KCNMB4: variants seen among roughly 807,000 people sequenced by gnomAD.
KCNMB4 encodes the protein calcium-activated potassium channel subunit beta-4.
A neutral mutation model predicts 20.7 loss-of-function variants in KCNMB4; 3 were observed. The observed-to-expected ratio is 0.14, with a 90% CI of 0.07 to 0.37. The LOEUF is 0.37. Among genes scored for constraint, KCNMB4 ranks in the 10% least tolerant of loss-of-function variants. KCNMB4 has a pLI of 1.00. For synonymous variants in KCNMB4, 110 were observed against 113.4 expected (o/e 0.97, Z 0.19); for missense variants, 168 against 265.9 (o/e 0.63, Z 2.56).
Position 70,430,697 on chromosome 12 carries a change from C to G in KCNMB4, c.*44C>G, listed in dbSNP as rs771305151. The G allele has an allele frequency of 6.6e-7, 1 of 1,505,032 alleles. No homozygotes were observed. The highest frequency in any genetic ancestry group is 1.3e-5 in the South Asian group (1 of 75,256). 93.2% of individuals were successfully genotyped at this position (1,505,032 alleles called of 1,614,324 possible). On this transcript the variant is annotated 3_prime_UTR_variant, in exon 3 of 3. Coordinates refer to ENST00000258111, the MANE Select transcript of KCNMB4 (RefSeq NM_014505.6). ...GAAAGCAAAGTACAGAAGCTGTACT[C>G]ATCGGCACGCGTCCACCTGCGGAAC...
chr12:70,378,268 T>C (rs919417022), intron 1 of KCNMB4, among the ~76,000 whole-genome samples: 6 of 152,172 alleles, frequency 3.9e-5, no homozygotes, highest in African/African-American at 1.4e-4. Flanking sequence ...CAAGCTCTAC[T>C]TCTAATTCTA....
chr12:70,424,327 G>A (rs1341261195), intron 2 of KCNMB4, among the ~76,000 whole-genome samples: 1 of 151,992 alleles, frequency 6.6e-6, no homozygotes, highest in Non-Finnish European at 1.5e-5. Flanking sequence ...AACCAATGCT[G>A]GAGTTCTGAG....
intron 1 of KCNMB4, among the ~76,000 whole-genome samples, chr12:70,387,250 C>A (rs11611402): frequency 1.6e-3 from 243 of 151,850 alleles, no homozygotes; most frequent in African/African-American, 5.2e-3. Context: ...CTTGTCTGCA[C>A]GGGATATTGG....
intron 1 of KCNMB4, among the ~76,000 whole-genome samples, chr12:70,395,278 A>G (rs371676855): frequency 6.3e-4 from 96 of 152,252 alleles, no homozygotes; most frequent in African/African-American, 2.2e-3. Flanking sequence ...GGAAAACTGG[A>G]GAAACAAATT....
Position 70,417,332 on chromosome 12 carries a change from G to A in KCNMB4, c.465-13153G>A, listed in dbSNP as rs568062472. Among the ~76,000 whole-genome samples the A allele has an allele frequency of 1.6e-4, 24 of 152,206 alleles. 1 individual carries two copies. The highest frequency in any genetic ancestry group is 2.9e-5 in the Non-Finnish European group (2 of 68,008). On this transcript the variant is annotated intron_variant, in intron 2 of 2. Transcript: ENST00000258111. ...GCTGGCAGCAGTTCCTAGCATGCTG[G>A]GTCTGAAATTGTGACATGTATAGGA...
intron 1 of KCNMB4, among the ~76,000 whole-genome samples, chr12:70,392,335 G>A (rs1391109001): frequency 1.3e-5 from 2 of 152,172 alleles, no homozygotes; most frequent in African/African-American, 4.8e-5. Context: ...ACAGATGCTG[G>A]AGAGGATGTG....
intron 1 of KCNMB4, among the ~76,000 whole-genome samples, chr12:70,384,419 CAA>C (rs1244122305): frequency 1.3e-5 from 2 of 152,310 alleles, no homozygotes; most frequent in East Asian, 3.9e-4. Flanking sequence ...TACCTTCTTA[CAA>C]AACCATGCTG....
intron 2 of KCNMB4, among the ~76,000 whole-genome samples, chr12:70,403,117 G>T (rs576173010): frequency 6.9e-6 from 1 of 144,316 alleles, no homozygotes; most frequent in Admixed American, 7.1e-5. Flanking sequence ...AAGGGAACAA[G>T]GTGTTGTGGA....
intron 2 of KCNMB4, among the ~76,000 whole-genome samples, chr12:70,406,474 C>T (rs768194510): frequency 2.6e-5 from 4 of 152,082 alleles, no homozygotes; most frequent in African/African-American, 4.8e-5. Flanking sequence ...GGAACGTGCC[C>T]TGAAGAAAAC....
At chr12:70,421,707 G>A (rs1049365334) in intron 2 of KCNMB4, among the ~76,000 whole-genome samples, 6 of 151,478 alleles carry the variant, frequency 4.0e-5, no homozygotes, top group East Asian at 4.0e-4. Flanking sequence ...TCAGCCTCCC[G>A]AGTAGCTGGG....
At chr12:70,411,151 A>G (rs934591238) in intron 2 of KCNMB4, among the ~76,000 whole-genome samples, 4 of 152,236 alleles carry the variant, frequency 2.6e-5, no homozygotes, top group South Asian at 2.1e-4. Flanking sequence ...CTCAAATTCT[A>G]TGGTTTTATG....
chr12:70,415,626 C>T (rs1333407544), intron 2 of KCNMB4, among the ~76,000 whole-genome samples: 2 of 152,216 alleles, frequency 1.3e-5, no homozygotes, highest in African/African-American at 4.8e-5. Flanking sequence ...CCAAGAAATT[C>T]TTTCCCCATT....
chr12:70,410,124 T>C (rs1868732029), intron 2 of KCNMB4, among the ~76,000 whole-genome samples: 1 of 152,214 alleles, frequency 6.6e-6, no homozygotes, highest in South Asian at 2.1e-4. Context: ...AGTCCTAGAA[T>C]GAACTCTAGA....
intron 2 of KCNMB4, among the ~76,000 whole-genome samples, chr12:70,427,675 T>C (rs1017065775): frequency 1.3e-5 from 2 of 152,166 alleles, no homozygotes; most frequent in African/African-American, 4.8e-5. Context: ...AATATCTGGG[T>C]CCAGCATTTT....
intron 1 of KCNMB4, among the ~76,000 whole-genome samples, chr12:70,382,246 C>CCATCCTGGCTAA (rs1883799872): frequency 6.6e-6 from 1 of 151,110 alleles, no homozygotes; most frequent in South Asian, 2.1e-4. Flanking sequence ...GAGATCGAGA[C>CCATCCTGGCTAA]CACGGTGAAA....
At chr12:70,428,126 T>G (rs1231930898) in intron 2 of KCNMB4, among the ~76,000 whole-genome samples, 2 of 152,012 alleles carry the variant, frequency 1.3e-5, no homozygotes, top group African/African-American at 4.8e-5. Flanking sequence ...TCGAGAGATC[T>G]CCCACCTCAG....
intron 1 of KCNMB4, among the ~76,000 whole-genome samples, chr12:70,398,583 G>A (rs1432019037): frequency 1.3e-5 from 2 of 151,988 alleles, no homozygotes; most frequent in African/African-American, 4.8e-5. Flanking sequence ...TGTTGTGAAT[G>A]TATTGTATAT....
At chr12:70,372,984 A>C (rs577014752) in intron 1 of KCNMB4, among the ~76,000 whole-genome samples, 1 of 152,298 alleles carries the variant, frequency 6.6e-6, no homozygotes, top group South Asian at 2.1e-4. Flanking sequence ...AAACAAAGCT[A>C]TGAGCTGTGT....
chr12:70,417,323 A>G (rs940392484), intron 2 of KCNMB4, among the ~76,000 whole-genome samples: 11 of 152,140 alleles, frequency 7.2e-5, no homozygotes, highest in Non-Finnish European at 1.5e-4. Context: ...AGCAGTTCCT[A>G]GCATGCTGGG....
Sources: allele counts gnomAD v4.1 joint callset (sites outside exome capture counted in the v4.1 genomes callset), GRCh38; gene constraint gnomAD v4.1.1; transcripts MANE v1.5; gene names NCBI Gene and HGNC (gene_info 2026-07-23, HGNC 2026-07-21).